The following CDH13 variants were observed in gnomAD, a reference collection of about 807,000 sequenced individuals.
The protein encoded by CDH13 is cadherin 13, also known as cadherin-13.
A neutral mutation model predicts 63.8 loss-of-function variants in CDH13; 24 were observed. The observed-to-expected ratio is 0.38, with a 90% confidence interval of 0.27 to 0.53. The LOEUF is 0.53. Ranked by LOEUF, CDH13 falls within the 20% of genes least tolerant of loss-of-function variation. CDH13 has a pLI of 0.85. For synonymous variants in CDH13, 503 were observed against 355.3 expected, an observed-to-expected ratio of 1.42 and a Z score of -4.67; for missense variants, 1,049 against 903.1, an observed-to-expected ratio of 1.16 and a Z score of -2.07.
At position 83,797,767 on chromosome 16, in the gene CDH13, T is replaced by C. The variant is rs1904289520; in HGVS notation, c.*2737T>C. On this transcript the variant is annotated 3_prime_UTR_variant, in exon 14 of 14. Transcript: ENST00000567109. ...ACTGAGCACAGGTCTGAGGGTTTTA[T>C]TTCCACTGAGCAAATAGTCACACCT... 6.6e-6 allele frequency: 1 copy of C among 152,238 alleles called. No individual in the cohort carries two copies. The highest frequency in any genetic ancestry group is 2.1e-4 in the South Asian group (1 of 4,832). The allele number at this position is 152,238 out of a possible 1,614,324, so 9.4% of individuals were successfully genotyped here.
At chr16:82,739,602 T>C (rs1037357913) in intron 1 of CDH13, among the ~76,000 whole-genome samples, 3 of 152,222 alleles carry the variant, frequency 2.0e-5, no homozygotes, top group Non-Finnish European at 4.4e-5. Flanking sequence ...GAAGAAGTGC[T>C]ATTTCAAATT....
chr16:82,987,484 C>G (rs1047080234), intron 2 of CDH13, among the ~76,000 whole-genome samples: 3 of 152,174 alleles, frequency 2.0e-5, no homozygotes, highest in African/African-American at 7.2e-5. Flanking sequence ...TCAAGCAATT[C>G]TCCTGCCTCA....
chr16:83,186,216 C>G (rs58103293), intron 4 of CDH13, among the ~76,000 whole-genome samples: 24,853 of 151,092 alleles, frequency 0.16, 2,090 homozygotes, highest in South Asian at 0.19. Flanking sequence ...ATCACTGCAG[C>G]CAACCTCCGC....
At chr16:82,758,530 G>A (rs1044878154) in intron 1 of CDH13, among the ~76,000 whole-genome samples, 2 of 152,018 alleles carry the variant, frequency 1.3e-5, no homozygotes, top group Non-Finnish European at 2.9e-5. Context: ...GAAGCTGATT[G>A]AGCGGAGCTG....
intron 10 of CDH13, among the ~76,000 whole-genome samples, chr16:83,742,173 A>T (rs1039288885): frequency 6.6e-6 from 1 of 152,236 alleles, no homozygotes; most frequent in Non-Finnish European, 1.5e-5. Context: ...CTTCCAGGTC[A>T]ACAGCTGGCC....
At chr16:83,075,315 C>A (rs566882809) in intron 3 of CDH13, among the ~76,000 whole-genome samples, 1 of 152,148 alleles carries the variant, frequency 6.6e-6, no homozygotes, top group Non-Finnish European at 1.5e-5. Context: ...ACTATGTGGC[C>A]CCGTGAAGAT....
intron 2 of CDH13, among the ~76,000 whole-genome samples, chr16:82,902,863 A>G (rs1187726042): frequency 6.6e-6 from 1 of 152,180 alleles, no homozygotes; most frequent in Non-Finnish European, 1.5e-5. Context: ...TAAACTGCCA[A>G]CAGTAGGTTG....
intron 2 of CDH13, among the ~76,000 whole-genome samples, chr16:82,974,525 T>C (rs1909225765): frequency 6.6e-6 from 1 of 152,176 alleles, no homozygotes; most frequent in East Asian, 1.9e-4. Flanking sequence ...ATATCCACAT[T>C]CTAATACCTA....
chr16:83,166,990 T>A (rs1449924245), intron 4 of CDH13, among the ~76,000 whole-genome samples: 1 of 152,168 alleles, frequency 6.6e-6, no homozygotes, highest in Admixed American at 6.5e-5. Flanking sequence ...TGAAAATGCC[T>A]CTATTTGCTG....
At chr16:83,536,937 A>C (rs1267067478) in intron 7 of CDH13, among the ~76,000 whole-genome samples, 1 of 152,200 alleles carries the variant, frequency 6.6e-6, no homozygotes, top group Admixed American at 6.5e-5. Context: ...TTGCGGATGG[A>C]GGTAACTCAT....
chr16:83,195,446 T>A (rs1384937681), intron 4 of CDH13, among the ~76,000 whole-genome samples: 1 of 152,122 alleles, frequency 6.6e-6, no homozygotes, highest in African/African-American at 2.4e-5. Flanking sequence ...CTTCCAAGCA[T>A]GGCAGAAGGC....
At chr16:83,061,044 T>A (rs992430975) in intron 3 of CDH13, among the ~76,000 whole-genome samples, 2 of 152,172 alleles carry the variant, frequency 1.3e-5, no homozygotes, top group African/African-American at 4.8e-5. Context: ...GCACAAAGAA[T>A]ATAGGAATAA....
chr16:82,699,530 G>A (rs984644843), intron 1 of CDH13, among the ~76,000 whole-genome samples: 2 of 152,188 alleles, frequency 1.3e-5, no homozygotes, highest in African/African-American at 2.4e-5. Flanking sequence ...CCCTTAATGC[G>A]TGTCATAACT....
chr16:83,278,464 G>A (rs993255086), intron 5 of CDH13, among the ~76,000 whole-genome samples: 2 of 152,196 alleles, frequency 1.3e-5, no homozygotes, highest in Non-Finnish European at 2.9e-5. Flanking sequence ...GCAAAGCCAA[G>A]CCCTGACTTG....
intron 2 of CDH13, among the ~76,000 whole-genome samples, chr16:82,963,095 G>C (rs573834353): frequency 6.6e-6 from 1 of 152,102 alleles, no homozygotes; most frequent in African/African-American, 2.4e-5. Context: ...AACAGGCCAG[G>C]TGTGGTGGCT....
intron 5 of CDH13, among the ~76,000 whole-genome samples, chr16:83,328,385 G>T (rs1183157358): frequency 6.6e-6 from 1 of 152,108 alleles, no homozygotes; most frequent in East Asian, 1.9e-4. Context: ...AATGATTTTG[G>T]GGAGAGTGAA....
chr16:82,898,381 C>T (rs1015052668), intron 2 of CDH13, among the ~76,000 whole-genome samples: 15 of 152,204 alleles, frequency 9.9e-5, no homozygotes, highest in African/African-American at 3.4e-4. Context: ...AAAAGTTAGC[C>T]GGGCATGCTG....
intron 12 of CDH13, 36 bp downstream of exon 12, chr16:83,780,237 A>C: frequency 7.4e-7 from 1 of 1,358,414 alleles, no homozygotes; most frequent in Non-Finnish European, 1.0e-6. Flanking sequence ...CTATTCTTCC[A>C]GCTTTCAGTT....
intron 6 of CDH13, among the ~76,000 whole-genome samples, chr16:83,405,282 A>T (rs1016613259): frequency 1.3e-5 from 2 of 152,220 alleles, no homozygotes; most frequent in African/African-American, 4.8e-5. Context: ...GAAGATGTGC[A>T]AGTACTAATT....
Sources: allele counts gnomAD v4.1 joint callset (sites outside exome capture counted in the v4.1 genomes callset), GRCh38; gene constraint gnomAD v4.1.1; transcripts MANE v1.5; gene names NCBI Gene and HGNC (gene_info 2026-07-23, HGNC 2026-07-21).